ZSCAN18: variants seen among roughly 807,000 people sequenced by gnomAD.
ZSCAN18 encodes zinc finger and SCAN domain-containing protein 18.
In ZSCAN18, 16 loss-of-function variants were observed where a neutral mutation model predicts 31.1. The observed-to-expected ratio is 0.51, with a 90% confidence interval of 0.35 to 0.78. The LOEUF is 0.78. ZSCAN18 is among the 30% of genes least tolerant of loss of function. The probability of loss-of-function intolerance (pLI) is 0.01; values close to 1 mark genes in which losing one functional copy is unlikely to be tolerated. For synonymous variants in ZSCAN18, 375 were observed against 320.7 expected (o/e 1.17, Z -1.81); for missense variants, 731 against 697.4 (o/e 1.05, Z -0.54).
At chr19:58,113,780 A>T (rs1475917874) in intron 1 of ZSCAN18, among the ~76,000 whole-genome samples, 1 of 152,148 alleles carries the variant, frequency 6.6e-6, no homozygotes, top group Non-Finnish European at 1.5e-5. Context: ...GGAGTTCGAG[A>T]CCAGCCTAGG....
At chr19:58,114,110 A>C (rs972075483) in intron 1 of ZSCAN18, among the ~76,000 whole-genome samples, 3 of 152,060 alleles carry the variant, frequency 2.0e-5, no homozygotes, top group Non-Finnish European at 4.4e-5. Context: ...TGTATTAAAA[A>C]TACAAAAATT....
intron 1 of ZSCAN18, 112 bp downstream of exon 1, chr19:58,098,062 C>T (rs2074555149): frequency 1.0e-6 from 1 of 985,494 alleles, no homozygotes; most frequent in South Asian, 4.7e-5. Context: ...GCACCCCAAC[C>T]CCGGGAACAC....
At chr19:58,100,000 A>C (rs2074580137), upstream of ZSCAN18, among the ~76,000 whole-genome samples, 1 of 136,706 alleles carries the variant, frequency 7.3e-6, no homozygotes. Flanking sequence ...TCACTCTGTC[A>C]CTGAGGCTAG....
intron 1 of ZSCAN18, chr19:58,108,736 T>A (rs918544): frequency 0.83 from 813,505 of 985,306 alleles, 337,863 homozygotes; most frequent in Non-Finnish European, 0.85. Flanking sequence ...ATCAAACACC[T>A]CCTCGTGTCC....
intron 1 of ZSCAN18, among the ~76,000 whole-genome samples, chr19:58,104,802 A>G (rs2074622963): frequency 6.6e-6 from 1 of 152,258 alleles, no homozygotes; most frequent in South Asian, 2.1e-4. Context: ...TCTCCGTAAC[A>G]TAAAAGTGCA....
rs2074656005 is a variant in ZSCAN18, at chr19:58,108,765, C to T, written c.130+9502G>A. 5.1e-6 allele frequency: 5 copies of T among 985,638 alleles called. No individual in the cohort carries two copies. In the Admixed American group the frequency reaches 3.1e-4, roughly 61 times the overall value. 61.1% of individuals were successfully genotyped at this position (985,638 alleles called of 1,614,324 possible). On this transcript the variant is annotated intron_variant, in intron 1 of 1. Transcript: ENST00000595721. ...CGTGTCCTTCTCCTTTGTGTTGTTCCTTTCTCTGGCAATTACATGTTGTTC... is the reference window on the plus strand; with the variant it reads ...CGTGTCCTTCTCCTTTGTGTTGTTCTTTTCTCTGGCAATTACATGTTGTTC...
intron 1 of ZSCAN18, among the ~76,000 whole-genome samples, chr19:58,105,081 T>C (rs1347905941): frequency 6.6e-6 from 1 of 152,230 alleles, no homozygotes; most frequent in African/African-American, 2.4e-5. Context: ...CTGAAAACCC[T>C]AGGGCCTTAA....
In ZSCAN18 at chr19:58,083,976, GAA is replaced by G. The variant is rs1275486095; in HGVS notation, c.*707_*708del. ...AGTTCTCACATTTAGATGTATGGGT[GAA>G]AAGTTTCACAAAACAGTATTTGCCT... On this transcript the variant is annotated 3_prime_UTR_variant, in exon 7 of 7. Transcript: ENST00000601144. The G allele has an allele frequency of 1.3e-5, 2 of 152,318 alleles. No individual in the cohort carries two copies. Among genetic ancestry groups the G allele is most frequent in the East Asian group, 1.9e-4 (1 of 5,188 alleles). The allele number at this position is 152,318 out of a possible 1,614,324, so 9.4% of individuals were successfully genotyped here.
chr19:58,117,629 A>G (rs1455722397), intron 1 of ZSCAN18, among the ~76,000 whole-genome samples: 1 of 151,440 alleles, frequency 6.6e-6, no homozygotes, highest in Non-Finnish European at 1.5e-5. Context: ...TTGTGAGGAG[A>G]GGCAGAAGGG....
Position 58,093,921 on chromosome 19 carries a change from T to C in ZSCAN18, c.-119-3535A>G, listed in dbSNP as rs186286635. Among the ~76,000 whole-genome samples, 208 of 152,010 alleles carry C rather than the reference T, an allele frequency of 1.4e-3. 3 individuals carry two copies. In the South Asian group the frequency reaches 0.028, roughly 20 times the overall value. ...ACTGGGGTTAGAGGCACTTGCCCCA[T>C]GCCTAGCTAATTTTTGTATTTTTAG... On this transcript the variant is annotated intron_variant, in intron 1 of 6. Coordinates refer to ENST00000601144, the MANE Select transcript of ZSCAN18 (RefSeq NM_001145543.2).
intron 1 of ZSCAN18, among the ~76,000 whole-genome samples, chr19:58,113,295 G>A (rs1372065060): frequency 6.6e-6 from 1 of 151,482 alleles, no homozygotes; most frequent in Non-Finnish European, 1.5e-5. Flanking sequence ...AAGCCTGGGT[G>A]ACAAAGCAAG....
At position 58,090,531 on chromosome 19, in the gene ZSCAN18, TG is replaced by T. The variant is rs2074390019; in HGVS notation, c.-119-146del. 1.6e-5 allele frequency: 10 copies of T among 641,602 alleles called. No individual in the cohort carries two copies. In the South Asian group the frequency reaches 2.1e-4, roughly 14 times the overall value. 39.7% of individuals were successfully genotyped at this position (641,602 alleles called of 1,614,324 possible). A position where few individuals can be genotyped will look rare whatever the true frequency, so the allele number is the denominator to read the frequency against. ...TTAGGCATCAGTAGAACCTCAGTGT[TG>T]TACTCATGTAGATAAAAAGTAGCAT... On this transcript the variant is annotated intron_variant, in intron 1 of 6. Coordinates refer to ENST00000601144, the MANE Select transcript of ZSCAN18 (RefSeq NM_001145543.2). The surrounding 1 kb of genome is among the most constrained non-coding windows in gnomAD (Gnocchi z 4.7).
upstream of ZSCAN18, among the ~76,000 whole-genome samples, chr19:58,102,915 T>C (rs1369684105): frequency 6.6e-6 from 1 of 152,134 alleles, no homozygotes. Flanking sequence ...GTGGACCACC[T>C]GAGGTCAGGA....
intron 1 of ZSCAN18, among the ~76,000 whole-genome samples, chr19:58,096,546 G>A (rs1346891334): frequency 6.6e-6 from 1 of 152,236 alleles, no homozygotes; most frequent in Non-Finnish European, 1.5e-5. Context: ...GGTCTCCAGA[G>A]TCCTGCAGCA....
At chr19:58,117,326 C>A (rs2074738403) in intron 1 of ZSCAN18, among the ~76,000 whole-genome samples, 1 of 151,934 alleles carries the variant, frequency 6.6e-6, no homozygotes, top group Non-Finnish European at 1.5e-5. Context: ...GGTCAGCATT[C>A]GGGCATCAGA....
At chr19:58,098,472 CCGGAGAAACAAAGACGGTGAGAAA>C (rs990730950), upstream of ZSCAN18, 2 of 718,096 alleles carry the variant, frequency 2.8e-6, no homozygotes, top group Non-Finnish European at 3.4e-6. Flanking sequence ...AGCCAGAGAC[CCGGAGAAACAAAGACGGTGAGAAA>C]CGGAGAAACA....
chr19:58,098,446 A>C, upstream of ZSCAN18: 6 of 894,632 alleles, frequency 6.7e-6, no homozygotes, highest in Non-Finnish European at 8.0e-6. Context: ...AAGCGGGTAA[A>C]TAATAGACCC....
At chr19:58,094,564 G>A (rs1161005709) in intron 1 of ZSCAN18, among the ~76,000 whole-genome samples, 1 of 152,058 alleles carries the variant, frequency 6.6e-6, no homozygotes, top group Non-Finnish European at 1.5e-5. Flanking sequence ...GGTTTGGCAT[G>A]TTCTTATGCA....
chr19:58,103,001 A>C (rs2074607408), upstream of ZSCAN18, among the ~76,000 whole-genome samples: 1 of 152,064 alleles, frequency 6.6e-6, no homozygotes, highest in Non-Finnish European at 1.5e-5. Context: ...GTGCACCTCT[A>C]ATCTCAGCTA....
Sources: allele counts gnomAD v4.1 joint callset (sites outside exome capture counted in the v4.1 genomes callset), GRCh38; gene constraint gnomAD v4.1.1; non-coding constraint Gnocchi (gnomAD v3.1); transcripts MANE v1.5; gene names NCBI Gene and HGNC (gene_info 2026-07-23, HGNC 2026-07-21).